The following RBM20 variants were observed in gnomAD, a reference collection of about 807,000 sequenced individuals.
The protein encoded by RBM20 is RNA-binding protein 20.
Under a neutral mutation model 110.1 loss-of-function variants are expected in RBM20, and 51 were observed. The ratio of observed to expected loss-of-function variants is 0.46; its 90% CI spans 0.37 to 0.59. The LOEUF is 0.59. Among genes scored for constraint, RBM20 ranks in the 20% least tolerant of loss-of-function variants. The pLI, the probability that RBM20 is intolerant of heterozygous loss-of-function variation, is 0.00. For missense variants in RBM20, 1,512 were observed against 1,574.9 expected (o/e 0.96, Z 0.68); for synonymous variants, 589 against 618.2 (o/e 0.95, Z 0.70).
chr10:110,767,464 C>T (rs77965032), intron 1 of RBM20, among the ~76,000 whole-genome samples: 40,178 of 143,884 alleles, frequency 0.28, 5,696 homozygotes, highest in East Asian at 0.45. Context: ...GGGTGGCTGC[C>T]GGGCGGAGGG....
intron 1 of RBM20, among the ~76,000 whole-genome samples, chr10:110,699,107 A>G (rs1454757308): frequency 6.6e-6 from 1 of 152,152 alleles, no homozygotes; most frequent in East Asian, 1.9e-4. Flanking sequence ...TTGGTCGTTC[A>G]CACGTCTGCG....
chr10:110,750,832 A>G (rs1238487810), intron 1 of RBM20, among the ~76,000 whole-genome samples: 2 of 152,204 alleles, frequency 1.3e-5, no homozygotes, highest in Non-Finnish European at 2.9e-5. Flanking sequence ...ACACCTGGGT[A>G]TGGTGGGGTG....
At chr10:110,792,179 CTATCTATCTATG>C in intron 5 of RBM20, among the ~76,000 whole-genome samples, 1 of 137,334 alleles carries the variant, frequency 7.3e-6, no homozygotes. Context: ...ATCTATCTAT[CTATCTATCTATG>C]TATCCATCAT....
intron 1 of RBM20, among the ~76,000 whole-genome samples, chr10:110,751,192 C>G (rs556709585): frequency 3.9e-5 from 6 of 152,314 alleles, no homozygotes; most frequent in African/African-American, 1.2e-4. Context: ...ATTCTTCAGA[C>G]CTTACAGGAT....
chr10:110,671,301 A>G (rs1862254767), intron 1 of RBM20, among the ~76,000 whole-genome samples: 1 of 152,138 alleles, frequency 6.6e-6, no homozygotes, highest in Non-Finnish European at 1.5e-5. Context: ...ATTTTGGAAT[A>G]TTTTCTCAGA....
chr10:110,771,077 C>T (rs750737878), intron 1 of RBM20, among the ~76,000 whole-genome samples: 23 of 152,158 alleles, frequency 1.5e-4, no homozygotes, highest in Non-Finnish European at 3.1e-4. Context: ...GCCAAGAAAA[C>T]GAAGGGAGAA....
At position 110,737,550 on chromosome 10, in the gene RBM20, C is replaced by T. The variant is rs775455448; in HGVS notation, c.192-43251C>T. On this transcript the variant is annotated intron_variant, in intron 1 of 13. Coordinates refer to ENST00000369519, the MANE Select transcript of RBM20 (RefSeq NM_001134363.3). ...CCAGCACCCCAGGAACAAGTGGCTA[C>T]CTTTTGAGTCACTCTTCAGCCTCTG... Among the ~76,000 whole-genome samples the T allele has an allele frequency of 4.5e-4, 69 of 152,038 alleles. 1 individual carries two copies. Among genetic ancestry groups the T allele is most frequent in the Non-Finnish European group, 1.0e-4 (7 of 68,024 alleles).
rs1219073487 is a variant in RBM20 at position 110,781,305 on chromosome 10, C to T, written c.696C>T (p.Gly232=). Residue 232 remains glycine (G), a synonymous_variant, in exon 2 of 14, where the codon GGC becomes GGT. Coordinates refer to ENST00000369519, the MANE Select transcript of RBM20 (RefSeq NM_001134363.3). ...APATAGFYEY[G]KASSGQTYGP... ...CTACAGCAGGATTCTATGAGTATGG[C>T]AAAGCCAGCTCTGGCCAGACATATG... 3 of 1,551,566 alleles carry T rather than the reference C, an allele frequency of 1.9e-6. No homozygotes were observed. The highest frequency in any genetic ancestry group is 2.6e-6 in the Non-Finnish European group (3 of 1,147,000).
intron 5 of RBM20, among the ~76,000 whole-genome samples, chr10:110,796,064 C>T (rs896457531): frequency 1.3e-5 from 2 of 152,218 alleles, no homozygotes; most frequent in African/African-American, 2.4e-5. Flanking sequence ...CAGGTTTTTG[C>T]TGTGAATATC....
intron 5 of RBM20, among the ~76,000 whole-genome samples, chr10:110,790,705 G>T (rs951507264): frequency 6.6e-6 from 1 of 151,970 alleles, no homozygotes; most frequent in African/African-American, 2.4e-5. Flanking sequence ...TATTTAAATC[G>T]ATTTCTAGAC....
chr10:110,788,188 C>T (rs534913834), intron 5 of RBM20, among the ~76,000 whole-genome samples: 2 of 152,294 alleles, frequency 1.3e-5, no homozygotes, highest in South Asian at 4.1e-4. Context: ...TGCTGTGATC[C>T]TCCTCTTTAG....
At chr10:110,787,901 C>T (rs1055682156) in intron 5 of RBM20, among the ~76,000 whole-genome samples, 1 of 152,088 alleles carries the variant, frequency 6.6e-6, no homozygotes, top group Admixed American at 6.5e-5. Context: ...ATAAAAACAA[C>T]AGCCAACATT....
chr10:110,718,638 G>GTTCT (rs201759702), intron 1 of RBM20, among the ~76,000 whole-genome samples: 1 of 50,008 alleles, frequency 2.0e-5, no homozygotes, highest in Non-Finnish European at 4.0e-5. Context: ...TTTTTTTTTA[G>GTTCT]TCTCACTCTG....
chr10:110,683,757 A>C lies in RBM20; in HGVS notation c.191+39112A>C, dbSNP rs184503888. On this transcript the variant is annotated intron_variant, in intron 1 of 13. Coordinates refer to ENST00000369519, the MANE Select transcript of RBM20 (RefSeq NM_001134363.3). Reference sequence around the variant, plus strand: ...AAAAACAAAATGAATATGTTGAGTCAGTTTTTTAAAATAGGAGAAACTTCT... The same window carrying C: ...AAAAACAAAATGAATATGTTGAGTCCGTTTTTTAAAATAGGAGAAACTTCT... Among the ~76,000 whole-genome samples, 6 of 152,352 alleles carry C rather than the reference A, an allele frequency of 3.9e-5. No homozygotes were observed. The East Asian group carries it at 9.6e-4, about 24-fold the overall frequency.
intron 1 of RBM20, among the ~76,000 whole-genome samples, chr10:110,757,719 G>A (rs1157849948): frequency 6.6e-6 from 1 of 152,296 alleles, no homozygotes; most frequent in East Asian, 1.9e-4. Context: ...GGAATAAAAG[G>A]CAACTGGTGT....
chr10:110,833,081 T>G (rs11195346), intron 13 of RBM20, among the ~76,000 whole-genome samples: 11,984 of 152,184 alleles, frequency 0.079, 531 homozygotes, highest in East Asian at 0.11. Flanking sequence ...TTGTACCAGC[T>G]GGCATCTTTT....
At chr10:110,774,989 A>G (rs778070897) in intron 1 of RBM20, among the ~76,000 whole-genome samples, 1 of 152,234 alleles carries the variant, frequency 6.6e-6, no homozygotes, top group Non-Finnish European at 1.5e-5. Context: ...TTAAAGAAAA[A>G]TGGTTCAGAA....
chr10:110,792,805 C>T (rs529657332), intron 5 of RBM20, among the ~76,000 whole-genome samples: 25 of 152,164 alleles, frequency 1.6e-4, no homozygotes, highest in Non-Finnish European at 3.4e-4. Context: ...ATCTTTAGTC[C>T]TATAAAGATG....
chr10:110,659,531 G>A (rs1862071002), intron 1 of RBM20, among the ~76,000 whole-genome samples: 1 of 152,116 alleles, frequency 6.6e-6, no homozygotes, highest in African/African-American at 2.4e-5. Context: ...TTGTGTGCAG[G>A]CAATTTCCAG....
Sources: allele counts gnomAD v4.1 joint callset (sites outside exome capture counted in the v4.1 genomes callset), GRCh38; gene constraint gnomAD v4.1.1; transcripts MANE v1.5; gene names NCBI Gene and HGNC (gene_info 2026-07-23, HGNC 2026-07-21).